PCDHA5: variants seen among roughly 807,000 people sequenced by gnomAD.
PCDHA5 encodes the protein protocadherin alpha-5.
Under a neutral mutation model 61.6 loss-of-function variants are expected in PCDHA5, and 43 were observed. The observed-to-expected ratio is 0.70, with a 90% CI of 0.55 to 0.90. The LOEUF (loss-of-function observed/expected upper bound fraction) is 0.90, where lower values mean the gene tolerates loss of function less well. Among genes scored for constraint, PCDHA5 ranks in the 40% least tolerant of loss-of-function variants. The probability of loss-of-function intolerance (pLI) is 0.00; values close to 1 mark genes in which losing one functional copy is unlikely to be tolerated. For synonymous variants in PCDHA5, 627 were observed against 543.9 expected (o/e 1.15, Z -2.13); for missense variants, 1,298 against 1,222.7 (o/e 1.06, Z -0.92).
rs60872775 is a variant in PCDHA5 at position 140,857,509 on chromosome 5, C to G, written c.2352+33382C>G. 2,646 of 1,598,160 alleles carry G rather than the reference C, an allele frequency of 1.7e-3. 197 individuals carry two copies. In the African/African-American group the frequency reaches 0.032, roughly 19 times the overall value. ...GGGACGCGGACGCGCAGGAGAACGCCCTGGTGTCCTACTCTCTGGTGGAGC... is the reference window on the plus strand; with the variant it reads ...GGGACGCGGACGCGCAGGAGAACGCGCTGGTGTCCTACTCTCTGGTGGAGC... On this transcript the variant is annotated intron_variant, in intron 1 of 3. Transcript: ENST00000529859.
intron 1 of PCDHA5, chr5:140,927,896 A>T: frequency 1.2e-6 from 2 of 1,614,200 alleles, no homozygotes; most frequent in Non-Finnish European, 1.7e-6. Flanking sequence ...GACGTGAACG[A>T]TCATGCCCCC....
At chr5:140,871,545 A>G (rs1554165721) in intron 1 of PCDHA5, 1 of 1,501,736 alleles carries the variant, frequency 6.7e-7, no homozygotes, top group Non-Finnish European at 8.9e-7. Context: ...GAAATTATTT[A>G]AAATCCAGTT....
chr5:140,851,300 A>G (rs2042018039), intron 1 of PCDHA5: 2 of 1,017,502 alleles, frequency 2.0e-6, no homozygotes, highest in East Asian at 1.2e-4. Context: ...GCAAAAATAT[A>G]TAGCAATTGT....
chr5:140,875,537 C>A, intron 1 of PCDHA5: 1 of 1,614,130 alleles, frequency 6.2e-7, no homozygotes, highest in South Asian at 1.1e-5. Context: ...CTGCTCCTTG[C>A]AGCCTGGGAG....
At chr5:141,002,610 C>T (rs1191320958) in intron 3 of PCDHA5, among the ~76,000 whole-genome samples, 1 of 152,200 alleles carries the variant, frequency 6.6e-6, no homozygotes, top group Non-Finnish European at 1.5e-5. Context: ...ATAAAACAGA[C>T]ACATAACACA....
intron 1 of PCDHA5, among the ~76,000 whole-genome samples, chr5:140,892,759 T>C (rs1422670120): frequency 2.0e-5 from 3 of 152,206 alleles, no homozygotes; most frequent in African/African-American, 4.8e-5. Context: ...ACATTTAAAA[T>C]CCACTCTTCT....
intron 1 of PCDHA5, chr5:140,856,396 C>G: frequency 6.3e-7 from 1 of 1,598,526 alleles, no homozygotes. Flanking sequence ...TGCAGGTTTT[C>G]CATGTGGACG....
intron 1 of PCDHA5, among the ~76,000 whole-genome samples, chr5:140,910,738 C>G (rs2075147470): frequency 6.6e-6 from 1 of 152,098 alleles, no homozygotes; most frequent in Non-Finnish European, 1.5e-5. Context: ...GCTAACCAAG[C>G]ACATAAATTA....
chr5:140,875,450 C>A, intron 1 of PCDHA5: 1 of 1,590,616 alleles, frequency 6.3e-7, no homozygotes, highest in Non-Finnish European at 8.6e-7. Context: ...ATTGTCCCAA[C>A]TCAGAGGCCC....
intron 1 of PCDHA5, chr5:140,842,521 C>T (rs2150337974): frequency 1.9e-6 from 3 of 1,613,508 alleles, no homozygotes; most frequent in East Asian, 4.5e-5. Context: ...TGGTGTCCAC[C>T]TTCAAGAATT....
At chr5:140,966,677 A>C in intron 1 of PCDHA5, 1 of 1,313,088 alleles carries the variant, frequency 7.6e-7, no homozygotes, top group Non-Finnish European at 9.8e-7. Flanking sequence ...GCAGGGTGGC[A>C]CGAGCGGAGG....
At chr5:140,886,123 G>A (rs868933605) in intron 1 of PCDHA5, among the ~76,000 whole-genome samples, 53 of 152,236 alleles carry the variant, frequency 3.5e-4, no homozygotes, top group African/African-American at 1.2e-3. Flanking sequence ...ACATAGTTCC[G>A]TAACAACCAG....
chr5:140,851,230 A>G (rs1327220273), intron 1 of PCDHA5: 1 of 1,136,468 alleles, frequency 8.8e-7, no homozygotes, highest in Non-Finnish European at 1.1e-6. Flanking sequence ...ACTATCATTT[A>G]TTTATTGCTA....
chr5:140,971,599 A>G (rs891227830), intron 1 of PCDHA5, among the ~76,000 whole-genome samples: 1 of 152,140 alleles, frequency 6.6e-6, no homozygotes, highest in African/African-American at 2.4e-5. Flanking sequence ...GTTACTACAG[A>G]TGGCAGGAGA....
At chr5:140,829,402 C>T in intron 1 of PCDHA5, 1 of 1,614,150 alleles carries the variant, frequency 6.2e-7, no homozygotes, top group Non-Finnish European at 8.5e-7. Flanking sequence ...CGCTGTGGGC[C>T]ACCGCCAGCT....
Position 140,857,721 on chromosome 5 carries a change from AC to A in PCDHA5, c.2352+33595del, listed in dbSNP as rs1554150568. ...CTGCAGGTGTTCGTGCTGGACGAGA[AC>A]GACAACGCTCCCGCGCTGCTGGCGT... On this transcript the variant is annotated intron_variant, in intron 1 of 3. Transcript: ENST00000529859. 4.4e-6 allele frequency: 7 copies of A among 1,597,360 alleles called. 1 individual carries two copies. In the Admixed American group the frequency reaches 1.0e-4, roughly 23 times the overall value.
In PCDHA5 at chr5:140,843,809, A is replaced by G; in HGVS notation, c.2352+19682A>G. 2.3e-6 allele frequency: 3 copies of G among 1,286,100 alleles called. 1 individual carries two copies. Among genetic ancestry groups the G allele is most frequent in the Non-Finnish European group, 3.2e-6 (3 of 925,236 alleles). 79.7% of individuals were successfully genotyped at this position (1,286,100 alleles called of 1,614,324 possible). A position where few individuals can be genotyped will look rare whatever the true frequency, so the allele number is the denominator to read the frequency against. On this transcript the variant is annotated intron_variant, in intron 1 of 3. Coordinates refer to ENST00000529859, the MANE Select transcript of PCDHA5 (RefSeq NM_018908.3). ...CAGATTTAGTTTTTCACCGTATTTTATAGTGAAAATTTAAACATTGTTTAG... is the reference window on the plus strand; with the variant it reads ...CAGATTTAGTTTTTCACCGTATTTTGTAGTGAAAATTTAAACATTGTTTAG...
chr5:140,944,470 A>G (rs1245262998), intron 1 of PCDHA5, among the ~76,000 whole-genome samples: 1 of 152,166 alleles, frequency 6.6e-6, no homozygotes, highest in East Asian at 1.9e-4. Flanking sequence ...TACAGGTATG[A>G]GGCACTGGAC....
intron 1 of PCDHA5, chr5:140,828,197 C>T (rs2150152294): frequency 1.9e-6 from 3 of 1,614,076 alleles, no homozygotes; most frequent in East Asian, 2.2e-5. Context: ...CTACTCCGTA[C>T]CCGAGGAGGC....
Sources: gnomAD v4.1 joint callset for allele counts (sites outside exome capture counted in the v4.1 genomes callset) on GRCh38, gnomAD v4.1.1 for gene constraint, MANE v1.5 for transcripts, NCBI Gene and HGNC (gene_info 2026-07-23, HGNC 2026-07-21) for gene names.